RNASET2: variants seen among roughly 807,000 people sequenced by gnomAD.
The protein encoded by RNASET2 is ribonuclease 6.
Under a neutral mutation model 33.9 loss-of-function variants are expected in RNASET2, and 28 were observed. That is an observed-to-expected ratio of 0.83 (90% CI 0.61 to 1.13). The LOEUF (loss-of-function observed/expected upper bound fraction) is 1.13. Among genes scored for constraint, RNASET2 ranks in the 50% most tolerant of loss-of-function variants. RNASET2 has a pLI of 0.00. For missense variants in RNASET2, 330 were observed against 319.9 expected, an observed-to-expected ratio of 1.03 and a Z score of -0.24; for synonymous variants, 123 against 121.0, an observed-to-expected ratio of 1.02 and a Z score of -0.11.
Position 166,927,605 on chromosome 6 carries a change from C to A in RNASET2, c.*1983G>T, listed in dbSNP as rs1191959672. ...AGCTGCTTTCCTTGACCCCCCAAGG[C>A]TATAAAATAAATGCAATTTGAATAG... On this transcript the variant is annotated 3_prime_UTR_variant, in exon 9 of 9. Transcript: ENST00000508775. Among the ~76,000 whole-genome samples the A allele has an allele frequency of 6.7e-6, 1 of 149,488 alleles. No individual in the cohort carries two copies. Among genetic ancestry groups the A allele is most frequent in the Non-Finnish European group, 1.5e-5 (1 of 67,846 alleles).
chr6:166,945,853 GAAAA>G (rs1778827583), intron 4 of RNASET2, among the ~76,000 whole-genome samples: 2 of 147,964 alleles, frequency 1.4e-5, no homozygotes, highest in Non-Finnish European at 1.5e-5. Flanking sequence ...AAAAAGAAAA[GAAAA>G]GAAAAAAAGA....
chr6:166,946,489 G>A (rs1422680088), intron 4 of RNASET2, among the ~76,000 whole-genome samples, 193 bp downstream of exon 4: 2 of 152,228 alleles, frequency 1.3e-5, no homozygotes. Context: ...GAGGGGAGGA[G>A]AGGGAAAAGG....
intron 2 of RNASET2, among the ~76,000 whole-genome samples, chr6:166,951,743 A>G (rs1045393523): frequency 1.3e-5 from 2 of 152,286 alleles, no homozygotes; most frequent in African/African-American, 4.8e-5. Context: ...ATATATCATC[A>G]TATCTATAAT....
chr6:166,931,041 A>G lies in RNASET2; in HGVS notation c.567+3T>C, dbSNP rs920757419. The G allele has an allele frequency of 6.2e-7, 1 of 1,606,182 alleles. No homozygotes were observed. The highest frequency in any genetic ancestry group is 1.7e-5 in the Admixed American group (1 of 60,022). On this transcript the variant is annotated splice_donor_region_variant and intron_variant, in intron 8 of 8. Transcript: ENST00000508775. The stretch of plus-strand genomic sequence containing the variant: ...AAAGGAAGACAAAACATAACTGTCT[A>G]ACCTGGCTTGGTGGAAGGCACTGGA...
chr6:166,942,441 C>T (rs1457052057), intron 5 of RNASET2, among the ~76,000 whole-genome samples: 4 of 152,160 alleles, frequency 2.6e-5, no homozygotes, highest in African/African-American at 7.2e-5. Flanking sequence ...CTTAGATATG[C>T]AAGCATTGGA....
intron 3 of RNASET2, 81 bp from the exon 4 acceptor site, chr6:166,946,820 T>C (rs1171435635): frequency 2.5e-6 from 2 of 784,672 alleles, no homozygotes; most frequent in Non-Finnish European, 4.5e-6. Context: ...AGAAAACACT[T>C]TCATTGAAGT....
rs1778277550 is a variant in RNASET2 at position 166,924,666 on chromosome 6, C to T, written c.*4922G>A. 6.6e-6 allele frequency among the ~76,000 whole-genome samples: 1 copy of T among 152,184 alleles called. No individual in the cohort carries two copies. The highest frequency in any genetic ancestry group is 2.4e-5 in the African/African-American group (1 of 41,436). ...TCCAACCTACCAGCATCAAATGCAC[C>T]AGCTATGCTCCTCTTTTCCCTTGCC... is the stretch of plus-strand genomic sequence containing the variant. On this transcript the variant is annotated 3_prime_UTR_variant, in exon 9 of 9. Coordinates refer to ENST00000508775, the MANE Select transcript of RNASET2 (RefSeq NM_003730.6).
chr6:166,931,357 T>C (rs1778435726), intron 7 of RNASET2: 1 of 562,620 alleles, frequency 1.8e-6, no homozygotes, highest in African/African-American at 1.9e-5. Context: ...TCCTCTCTGC[T>C]CCTGTTTCTC....
chr6:166,951,766 T>C lies in RNASET2; in HGVS notation c.147+722A>G, dbSNP rs957042683. On this transcript the variant is annotated intron_variant, in intron 2 of 8. Coordinates refer to ENST00000508775, the MANE Select transcript of RNASET2 (RefSeq NM_003730.6). ...TCATATCTATAATCTATTTCTAGTATAACTGTTCTCATTTTATATATTTTC... is the reference window on the plus strand; with the variant it reads ...TCATATCTATAATCTATTTCTAGTACAACTGTTCTCATTTTATATATTTTC... 3.9e-5 allele frequency among the ~76,000 whole-genome samples: 6 copies of C among 152,282 alleles called. No individual in the cohort carries two copies. In the South Asian group the frequency reaches 1.0e-3, roughly 26 times the overall value.
rs1449639955 is a variant in RNASET2 at position 166,927,107 on chromosome 6, T to A, written c.*2481A>T. Among the ~76,000 whole-genome samples the A allele has an allele frequency of 6.6e-6, 1 of 152,210 alleles. No individual in the cohort carries two copies. The highest frequency in any genetic ancestry group is 1.9e-4 in the East Asian group (1 of 5,200). On this transcript the variant is annotated 3_prime_UTR_variant, in exon 9 of 9. Coordinates refer to ENST00000508775, the MANE Select transcript of RNASET2 (RefSeq NM_003730.6). ...CGAGAACCGTGTGGTCAGAGTTGCATCTTCCTGAGTTGAATCTGGAAAATG... is the reference window on the plus strand; with the variant it reads ...CGAGAACCGTGTGGTCAGAGTTGCAACTTCCTGAGTTGAATCTGGAAAATG...
intron 3 of RNASET2, among the ~76,000 whole-genome samples, chr6:166,947,973 A>G (rs1313006273): frequency 1.3e-5 from 2 of 152,206 alleles, no homozygotes; most frequent in African/African-American, 2.4e-5. Flanking sequence ...TTTATAATAA[A>G]CCCCAAGAGA....
At position 166,955,187 on chromosome 6, in the gene RNASET2, ACG is replaced by A. The variant is rs1226344001; in HGVS notation, c.86+908_86+909del. Among the ~76,000 whole-genome samples, 834 of 89,952 alleles carry A rather than the reference ACG, an allele frequency of 9.3e-3. 12 individuals carry two copies. Among genetic ancestry groups the A allele is most frequent in the African/African-American group, 0.045 (802 of 17,928 alleles). 59.0% of individuals were successfully genotyped at this position (89,952 alleles called of 152,430 possible). ...ATTTGGGCGGCTGCCACACACACAC[ACG>A]CACACACGCACGCACACACGCACGC... On this transcript the variant is annotated intron_variant, in intron 1 of 8. Transcript: ENST00000508775.
At chr6:166,948,778 T>A (rs774826358) in intron 2 of RNASET2, among the ~76,000 whole-genome samples, 153 bp from the exon 3 acceptor site, 1 of 152,158 alleles carries the variant, frequency 6.6e-6, no homozygotes, top group Non-Finnish European at 1.5e-5. Context: ...CAGGGCTACT[T>A]CACAATACAT....
chr6:166,951,040 T>G (rs79465378), intron 2 of RNASET2, among the ~76,000 whole-genome samples: 4 of 151,954 alleles, frequency 2.6e-5, no homozygotes, highest in African/African-American at 9.7e-5. Context: ...AATGCCTGGC[T>G]GCACTGTTGT....
intron 6 of RNASET2, among the ~76,000 whole-genome samples, chr6:166,936,289 G>A (rs1424054993): frequency 1.3e-5 from 2 of 152,138 alleles, no homozygotes; most frequent in Non-Finnish European, 2.9e-5. Context: ...GCAATGGCAG[G>A]GCAGCACTGG....
chr6:166,930,907 C>T (rs572616226), intron 8 of RNASET2, 137 bp downstream of exon 8: 2 of 743,800 alleles, frequency 2.7e-6, no homozygotes, highest in Non-Finnish European at 4.9e-6. Flanking sequence ...CACACACACA[C>T]CACATGCCCA....
rs968816388 is a variant in RNASET2 at position 166,928,806 on chromosome 6, G to A, written c.*782C>T. 1.3e-5 allele frequency among the ~76,000 whole-genome samples: 2 copies of A among 152,306 alleles called. No homozygotes were observed. Among genetic ancestry groups the A allele is most frequent in the Middle Eastern group, 3.4e-3 (1 of 294 alleles). On this transcript the variant is annotated 3_prime_UTR_variant, in exon 9 of 9. Transcript: ENST00000508775. Reference sequence around the variant, plus strand: ...ATGTCATCACATATCTAGAAGGTAAGGGTACCTCCGGTTCTGGAACACACA... The same window carrying A: ...ATGTCATCACATATCTAGAAGGTAAAGGTACCTCCGGTTCTGGAACACACA...
intron 7 of RNASET2, chr6:166,931,360 T>A: frequency 1.8e-6 from 1 of 559,110 alleles, no homozygotes; most frequent in Non-Finnish European, 3.2e-6. Context: ...TCTCTGCTCC[T>A]GTTTCTCTGG....
chr6:166,955,203 ACACACG>A (rs1398570656), intron 1 of RNASET2, among the ~76,000 whole-genome samples: 2 of 120,718 alleles, frequency 1.7e-5, no homozygotes, highest in African/African-American at 8.0e-5. Context: ...ACACGCACGC[ACACACG>A]CACGCACACA....
Sources: allele counts gnomAD v4.1 joint callset (sites outside exome capture counted in the v4.1 genomes callset), GRCh38; gene constraint gnomAD v4.1.1; transcripts MANE v1.5; gene names NCBI Gene and HGNC (gene_info 2026-07-23, HGNC 2026-07-21).